The following RPS6KC1 variants were observed in gnomAD, a reference collection of about 807,000 sequenced individuals.
RPS6KC1 encodes inactive ribosomal protein S6 kinase delta-1.
RPS6KC1 carries 54 observed loss-of-function variants against 103.8 expected under a neutral mutation model. The ratio of observed to expected loss-of-function variants is 0.52; its 90% CI spans 0.42 to 0.65. The LOEUF is 0.65. Among genes scored for constraint, RPS6KC1 ranks in the 30% least tolerant of loss-of-function variants. The probability of loss-of-function intolerance (pLI) is 0.00; values close to 1 mark genes in which losing one functional copy is unlikely to be tolerated. For missense variants in RPS6KC1, 1,151 were observed against 1,253.8 expected, an observed-to-expected ratio of 0.92 and a Z score of 1.24; for synonymous variants, 439 against 438.7, an observed-to-expected ratio of 1.00 and a Z score of -0.01.
the RPS6KC1 span, among the ~76,000 whole-genome samples, chr1:213,615,220 C>G: frequency 3.1e-3 from 470 of 152,316 alleles, no homozygotes; most frequent in Non-Finnish European, 4.5e-3. Flanking sequence ...TTCAGCTCCC[C>G]CAATGGGGTA....
At chr1:213,184,946 G>A (rs188075538) in intron 8 of RPS6KC1, among the ~76,000 whole-genome samples, 33 of 152,250 alleles carry the variant, frequency 2.2e-4, no homozygotes, top group African/African-American at 7.7e-4. Context: ...CTGATGAGAA[G>A]AATGTGTATT....
At chr1:213,491,570 A>G in the RPS6KC1 span, among the ~76,000 whole-genome samples, 1 of 152,068 alleles carries the variant, frequency 6.6e-6, no homozygotes, top group African/African-American at 2.4e-5. Flanking sequence ...ACAAACAAAC[A>G]GGCTTTAATG....
the RPS6KC1 span, among the ~76,000 whole-genome samples, chr1:213,811,330 C>A: frequency 6.6e-6 from 1 of 152,264 alleles, no homozygotes; most frequent in Middle Eastern, 3.4e-3. Context: ...TGCTTCTCAC[C>A]AGGACATGGG....
the RPS6KC1 span, among the ~76,000 whole-genome samples, chr1:213,522,136 G>A: frequency 6.6e-6 from 1 of 152,226 alleles, no homozygotes; most frequent in Admixed American, 6.5e-5. Context: ...TTCATAGGCT[G>A]CAGAACTGAT....
chr1:213,292,019 C>G, the RPS6KC1 span, among the ~76,000 whole-genome samples: 1 of 151,612 alleles, frequency 6.6e-6, no homozygotes, highest in Non-Finnish European at 1.5e-5. Flanking sequence ...TTCCCCATTG[C>G]TTGTTTTTCT....
chr1:213,098,643 C>G (rs867893572), intron 3 of RPS6KC1, among the ~76,000 whole-genome samples: 1 of 151,956 alleles, frequency 6.6e-6, no homozygotes, highest in Non-Finnish European at 1.5e-5. Flanking sequence ...ACTAAGTTTG[C>G]GTTTTATATT....
At chr1:213,385,188 T>C in the RPS6KC1 span, among the ~76,000 whole-genome samples, 7 of 151,998 alleles carry the variant, frequency 4.6e-5, no homozygotes, top group Non-Finnish European at 7.4e-5. Flanking sequence ...AGGAAAGAGG[T>C]GGTGTCCGGG....
chr1:213,109,950 A>G (rs530483403), intron 4 of RPS6KC1, among the ~76,000 whole-genome samples: 1 of 152,300 alleles, frequency 6.6e-6, no homozygotes, highest in Middle Eastern at 3.4e-3. Context: ...TGGCTAAATA[A>G]TAGTTCATTG....
chr1:213,847,704 C>T, the RPS6KC1 span, among the ~76,000 whole-genome samples: 5 of 152,150 alleles, frequency 3.3e-5, no homozygotes, highest in African/African-American at 9.7e-5. Context: ...TTATGCATCC[C>T]TTGTTGATGT....
chr1:213,793,137 C>T, the RPS6KC1 span, among the ~76,000 whole-genome samples: 33 of 152,138 alleles, frequency 2.2e-4, no homozygotes, highest in Non-Finnish European at 4.0e-4. Flanking sequence ...ATTACAGGTT[C>T]GGTCGTGACA....
chr1:213,771,646 T>A, the RPS6KC1 span, among the ~76,000 whole-genome samples: 1 of 152,356 alleles, frequency 6.6e-6, no homozygotes, highest in South Asian at 2.1e-4. Context: ...AACAGCAACT[T>A]ATACTTACAT....
chr1:213,573,025 T>C, the RPS6KC1 span, among the ~76,000 whole-genome samples: 1 of 152,200 alleles, frequency 6.6e-6, no homozygotes, highest in Non-Finnish European at 1.5e-5. Context: ...TTTGGTTAGA[T>C]GCAGCCTCCT....
chr1:213,484,352 GA>G, the RPS6KC1 span, among the ~76,000 whole-genome samples: 1 of 152,176 alleles, frequency 6.6e-6, no homozygotes, highest in Non-Finnish European at 1.5e-5. Flanking sequence ...CTTTAATGGG[GA>G]AGGATCTTCT....
intron 3 of RPS6KC1, among the ~76,000 whole-genome samples, chr1:213,096,714 A>G (rs1455485615): frequency 6.6e-6 from 1 of 152,066 alleles, no homozygotes. Context: ...AATGTTGTCA[A>G]TGGCATCTAG....
chr1:213,826,091 G>A, the RPS6KC1 span, among the ~76,000 whole-genome samples: 20,886 of 152,158 alleles, frequency 0.14, 1,618 homozygotes, highest in South Asian at 0.29. Flanking sequence ...AAGGACTATG[G>A]TGGGAACTTT....
intron 1 of RPS6KC1, among the ~76,000 whole-genome samples, chr1:213,064,749 C>T (rs947691404): frequency 3.7e-4 from 53 of 144,508 alleles, no homozygotes; most frequent in South Asian, 4.4e-4. Context: ...GTGATCTCGG[C>T]TCACTGCAGG....
At chr1:213,155,980 G>A (rs1228017199) in intron 6 of RPS6KC1, among the ~76,000 whole-genome samples, 2 of 152,080 alleles carry the variant, frequency 1.3e-5, no homozygotes, top group African/African-American at 4.8e-5. Context: ...ACCCAACATG[G>A]TAAAATTCAA....
At chr1:213,651,756 T>C in the RPS6KC1 span, among the ~76,000 whole-genome samples, 2 of 152,198 alleles carry the variant, frequency 1.3e-5, no homozygotes, top group Non-Finnish European at 2.9e-5. Flanking sequence ...GCTTTCATTA[T>C]ACTTCCAAGA....
the RPS6KC1 span, among the ~76,000 whole-genome samples, chr1:213,488,613 G>A: frequency 6.6e-6 from 1 of 152,170 alleles, no homozygotes; most frequent in African/African-American, 2.4e-5. Flanking sequence ...CTAAACCCCA[G>A]GGAACTGAAG....
Sources: allele counts gnomAD v4.1 joint callset (sites outside exome capture counted in the v4.1 genomes callset), GRCh38; gene constraint gnomAD v4.1.1; transcripts MANE v1.5; gene names NCBI Gene and HGNC (gene_info 2026-07-23, HGNC 2026-07-21).